The following MEFV variants were observed in gnomAD, a reference collection of about 807,000 sequenced individuals.
MEFV encodes MEFV innate immunity regulator, pyrin.
MEFV carries 60 observed loss-of-function variants against 62.5 expected under a neutral mutation model. The observed-to-expected ratio is 0.96, with a 90% confidence interval of 0.78 to 1.19. The LOEUF (loss-of-function observed/expected upper bound fraction) is 1.19, where lower values mean the gene tolerates loss of function less well. MEFV is among the 50% of genes most tolerant of loss of function. The pLI, the probability that MEFV is intolerant of heterozygous loss-of-function variation, is 0.00. For missense variants in MEFV, 1,169 were observed against 1,004.5 expected (o/e 1.16, Z -2.21); for synonymous variants, 500 against 415.2 (o/e 1.20, Z -2.48).
rs750095575 is a variant in MEFV at position 3,249,649 on chromosome 16, G to A, written c.1042C>T (p.Arg348Cys). 5.0e-6 allele frequency: 8 copies of A among 1,613,454 alleles called. No homozygotes were observed. The highest frequency in any genetic ancestry group is 4.5e-5 in the East Asian group (2 of 44,878). ...TGGCACCGGGGGCAGCCAGGTGAGC[G>A]GCTGCCTGAGGCCTGGGGGTGCCCA... ...VSGHPQASGSRSPGCPRCQDS... is the reference protein window; with the variant it reads ...VSGHPQASGSCSPGCPRCQDS... Residue 348 changes from arginine (R) to cysteine (C), a missense_variant, in exon 3 of 10, where the codon CGC becomes TGC. Physicochemically the swap from Arg to Cys is radical, Grantham distance 180. Coordinates refer to ENST00000219596, the MANE Select transcript of MEFV (RefSeq NM_000243.3).
rs867777924 is a variant in MEFV at position 3,244,113 on chromosome 16, G to T, written c.1759+141C>A. 16 of 1,554,126 alleles carry T rather than the reference G, an allele frequency of 1.0e-5. No homozygotes were observed. In the Middle Eastern group the frequency reaches 1.7e-3, roughly 161 times the overall value. ...ATGAGTCACGCACAGAGCCTGGGGGGCCTGCCATGACCTTTCTCCTACCTT... is the reference window on the plus strand; with the variant it reads ...ATGAGTCACGCACAGAGCCTGGGGGTCCTGCCATGACCTTTCTCCTACCTT... On this transcript the variant is annotated intron_variant, in intron 8 of 9. Coordinates refer to ENST00000219596, the MANE Select transcript of MEFV (RefSeq NM_000243.3).
intron 2 of MEFV, among the ~76,000 whole-genome samples, chr16:3,252,272 CTTT>C (rs534371432): frequency 9.9e-5 from 13 of 130,696 alleles, no homozygotes; most frequent in Non-Finnish European, 6.6e-5. Flanking sequence ...ACTCCCAATT[CTTT>C]TTTTTTTTTT....
At chr16:3,244,157 T>C in intron 8 of MEFV, 97 bp downstream of exon 8, 2 of 1,585,402 alleles carry the variant, frequency 1.3e-6, no homozygotes, top group Non-Finnish European at 1.7e-6. Context: ...GTGTTTGGTT[T>C]TTTTTTTTGT....
chr16:3,254,869 C>A, intron 1 of MEFV, 79 bp from the exon 2 acceptor site: 1 of 1,597,202 alleles, frequency 6.3e-7, no homozygotes, highest in Non-Finnish European at 8.5e-7. Context: ...GAGAGAGAAT[C>A]CCCTTGGATA....
intron 1 of MEFV, among the ~76,000 whole-genome samples, chr16:3,255,259 G>A (rs1192535655): frequency 6.6e-6 from 1 of 152,136 alleles, no homozygotes; most frequent in East Asian, 1.9e-4. Flanking sequence ...GGAGGTTGCA[G>A]TGAGCTGAGA....
At chr16:3,253,509 T>C (rs1405621529) in intron 2 of MEFV, among the ~76,000 whole-genome samples, 1 of 152,138 alleles carries the variant, frequency 6.6e-6, no homozygotes, top group Non-Finnish European at 1.5e-5. Flanking sequence ...TTCTTTCTTT[T>C]TTTTTCCCCC....
chr16:3,253,633 C>T (rs1178978773), intron 2 of MEFV, among the ~76,000 whole-genome samples: 2 of 152,152 alleles, frequency 1.3e-5, no homozygotes, highest in African/African-American at 4.8e-5. Context: ...CCTGCCTCAG[C>T]TTCCTGAGTG....
chr16:3,244,235 C>G lies in MEFV; in HGVS notation c.1759+19G>C. 1.2e-6 allele frequency: 2 copies of G among 1,613,994 alleles called. No homozygotes were observed. Among genetic ancestry groups the G allele is most frequent in the Non-Finnish European group, 1.7e-6 (2 of 1,180,004 alleles). On this transcript the variant is annotated intron_variant, in intron 8 of 9. Coordinates refer to ENST00000219596, the MANE Select transcript of MEFV (RefSeq NM_000243.3). ...TGCAACAACCCCAGGCCAGCACACA[C>G]CATTACCGCTGGACTCACCATTGAA... is the stretch of plus-strand genomic sequence containing the variant.
rs11466026 is a variant in MEFV at position 3,248,947 on chromosome 16, G to C, written c.1318C>G (p.Gln440Glu). 1,090 of 1,614,194 alleles carry C rather than the reference G, an allele frequency of 6.8e-4. 5 individuals are homozygous for C. The African/African-American group carries it at 0.011, about 16-fold the overall frequency. Residue 440 changes from glutamine to glutamate, a missense_variant, in exon 4 of 10, where the codon CAG becomes GAG. Gln to Glu is a conservative substitution (Grantham distance 29). Transcript: ENST00000219596. ...GCCTTCTCCTCCCCATAGGATCGCT[G>C]CTCCTCCCCTGATTTTCTCAGCTTC... ...LKKLRKSGEEQRSYGEEKAVS... is the reference protein window; with the variant it reads ...LKKLRKSGEEERSYGEEKAVS...
chr16:3,252,494 G>A (rs574664671), intron 2 of MEFV, among the ~76,000 whole-genome samples: 3 of 152,042 alleles, frequency 2.0e-5, no homozygotes, highest in South Asian at 2.1e-4. Context: ...GGCTGGTCTC[G>A]AACTCCTCAC....
At position 3,249,522 on chromosome 16, in the gene MEFV, T is replaced by A; in HGVS notation, c.1169A>T (p.His390Leu). Residue 390 changes from histidine to leucine, a missense_variant, in exon 3 of 10, where the codon CAC becomes CTC. By Grantham distance (99) the His-to-Leu change is moderately conservative. Transcript: ENST00000219596. ...KQVQLLFCED[H>L]DEPICLICSL... ...GCAGATGAGGCAGATGGGCTCATCG[T>A]GATCCTCACAGAAGAGCAGCTGGAC... The A allele has an allele frequency of 6.2e-7, 1 of 1,614,202 alleles. No homozygotes were observed. Among genetic ancestry groups the A allele is most frequent in the Non-Finnish European group, 8.5e-7 (1 of 1,180,022 alleles).
chr16:3,250,960 T>C (rs577666851), intron 2 of MEFV, among the ~76,000 whole-genome samples: 9 of 144,848 alleles, frequency 6.2e-5, no homozygotes, highest in Non-Finnish European at 9.1e-5. Context: ...GGAGGCGGAG[T>C]TTGCAGTGAG....
Position 3,243,873 on chromosome 16 carries a change from A to G in MEFV, c.1779T>C (p.Ala593=), listed in dbSNP as rs377657099. 3.1e-6 allele frequency: 5 copies of G among 1,613,850 alleles called. No individual in the cohort carries two copies. Among genetic ancestry groups the G allele is most frequent in the Non-Finnish European group, 3.4e-6 (4 of 1,180,022 alleles). Residue 593 remains alanine, a synonymous_variant, in exon 9 of 10, where the codon GCT becomes GCC. Coordinates refer to ENST00000219596, the MANE Select transcript of MEFV (RefSeq NM_000243.3). ...CTGGGCACTTACCAGCATGTGCCTG[A>G]GCGCCAATCAGCTCCGGAACTACGG... ...EMFNVPELIG[A]QAHAVNVILD... is the part of the protein sequence containing the mutation.
Position 3,249,568 on chromosome 16 carries a change from A to G in MEFV, c.1123T>C (p.Cys375Arg), listed in dbSNP as rs1229926701. 2.5e-6 allele frequency: 4 copies of G among 1,614,154 alleles called. No individual in the cohort carries two copies. Among genetic ancestry groups the G allele is most frequent in the Non-Finnish European group, 3.4e-6 (4 of 1,180,022 alleles). The change falls in exon 3 of 10, where the codon TGT becomes CGT. Residue 375 changes from cysteine (C) to arginine (R), a missense_variant. Transcript: ENST00000219596. ...TGGACCTGCTTCAGGTGGCGCTTAC[A>G]CTGTGGCAGGGGCTGGGGGCTTAGG... ...GSLSPQPLPQ[C>R]KRHLKQVQLL...
Position 3,254,344 on chromosome 16 carries a change from T to A in MEFV, c.724A>T (p.Ser242Cys). ...CCTGTAGAAATGGTGACCTCAAGGC[T>A]TCTAGGTCGCATCTTTCCCGAGGGC... The part of the protein sequence containing the change: ...YLPSGKMRPR[S>C]LEVTISTGEK... The change falls in exon 2 of 10, where the codon AGC becomes TGC. Residue 242 changes from serine (S) to cysteine (C), a missense_variant. Ser to Cys is a moderately radical substitution (Grantham distance 112). Transcript: ENST00000219596. 6.2e-7 allele frequency: 1 copy of A among 1,614,234 alleles called. No individual in the cohort carries two copies.
In MEFV at chr16:3,256,512, A is replaced by G. The variant is rs779667910; in HGVS notation, c.76T>C (p.Phe26Leu). 1.9e-6 allele frequency: 3 copies of G among 1,614,098 alleles called. No individual in the cohort carries two copies. Among genetic ancestry groups the G allele is most frequent in the South Asian group, 2.2e-5 (2 of 91,080 alleles). ...TGCACACTGGTGTTCTGCAGCTTGA[A>G]CTTGAACTTCTCGAAGTCATAGGGC... ...LVPYDFEKFK[F>L]KLQNTSVQKE... The change falls in exon 1 of 10, where the codon TTC becomes CTC. Residue 26 changes from phenylalanine to leucine, a missense_variant. Phe to Leu is a conservative substitution (Grantham distance 22). Transcript: ENST00000219596.
At chr16:3,247,696 G>A (rs1316804900) in intron 4 of MEFV, 1 of 187,148 alleles carries the variant, frequency 5.3e-6, no homozygotes, top group East Asian at 1.3e-4. Flanking sequence ...CACTTTGGGA[G>A]GCTGAGTTGG....
intron 2 of MEFV, 86 bp downstream of exon 2, chr16:3,254,072 C>G: frequency 6.8e-7 from 1 of 1,480,138 alleles, no homozygotes; most frequent in Non-Finnish European, 9.2e-7. Flanking sequence ...CCTCCCAAAG[C>G]GCTGGGATTA....
intron 2 of MEFV, 75 bp downstream of exon 2, chr16:3,254,083 C>G: frequency 6.5e-7 from 1 of 1,530,462 alleles, no homozygotes; most frequent in Non-Finnish European, 8.9e-7. Context: ...GCTGGGATTA[C>G]AGGCATGAGC....
Sources: allele counts gnomAD v4.1 joint callset (sites outside exome capture counted in the v4.1 genomes callset), GRCh38; gene constraint gnomAD v4.1.1; transcripts MANE v1.5; gene names NCBI Gene and HGNC (gene_info 2026-07-23, HGNC 2026-07-21).